Variants in TMPRSS15 observed in about 807,000 individuals in gnomAD.
TMPRSS15 encodes enteropeptidase.
A neutral mutation model predicts 125.3 loss-of-function variants in TMPRSS15; 128 were observed. That is an observed-to-expected ratio of 1.02 (90% CI 0.89 to 1.18). The LOEUF (loss-of-function observed/expected upper bound fraction) is 1.18. Ranked by LOEUF, TMPRSS15 falls within the 50% of genes most tolerant of loss-of-function variation. The pLI is 0.00. For missense variants in TMPRSS15, 1,283 were observed against 1,212.7 expected, an observed-to-expected ratio of 1.06 and a Z score of -0.86; for synonymous variants, 446 against 423.2, an observed-to-expected ratio of 1.05 and a Z score of -0.66.
chr21:18,450,223 T>G (rs1229218184), intron 1 of TMPRSS15, among the ~76,000 whole-genome samples: 2 of 152,158 alleles, frequency 1.3e-5, no homozygotes, highest in Non-Finnish European at 2.9e-5. Flanking sequence ...CTTGTGGGAA[T>G]TATTCCAGAT....
chr21:18,402,963 CT>C (rs143840063), intron 1 of TMPRSS15, among the ~76,000 whole-genome samples: 1,528 of 152,170 alleles, frequency 0.01, 34 homozygotes, highest in African/African-American at 0.035. Context: ...AGTTTGTGAC[CT>C]TTTTAAGTCT....
intron 7 of TMPRSS15, among the ~76,000 whole-genome samples, chr21:18,362,573 A>G (rs984476381): frequency 1.3e-5 from 2 of 152,186 alleles, no homozygotes; most frequent in African/African-American, 4.8e-5. Flanking sequence ...GATTAATTGG[A>G]GAACATAATC....
chr21:18,437,248 G>A (rs1415018820), intron 1 of TMPRSS15, among the ~76,000 whole-genome samples: 12 of 151,562 alleles, frequency 7.9e-5, no homozygotes, highest in African/African-American at 2.9e-4. Context: ...TTAATAAATG[G>A]TGCTGGGAAA....
rs767804740 is a variant in TMPRSS15, at chr21:18,326,495, C to T, written c.1858G>A (p.Asp620Asn). Residue 620 changes from aspartate to asparagine, a missense_variant, in exon 16 of 25, where the codon GAT (aspartate) becomes AAT (asparagine). Coordinates refer to ENST00000284885, the MANE Select transcript of TMPRSS15 (RefSeq NM_002772.3). ...NRMTVLLITN[D>N]VLARGGFKAN... is the part of the protein sequence containing the mutation. ...TTAAACCCTCCTCTTGCCAACACAT[C>T]GTTAGTGATGAGAAGCACAGTCATT... The T allele has an allele frequency of 1.5e-5, 25 of 1,614,012 alleles. No individual in the cohort carries two copies. The highest frequency in any genetic ancestry group is 6.7e-5 in the East Asian group (3 of 44,890).
chr21:18,328,381 T>A (rs1235724694), intron 15 of TMPRSS15, among the ~76,000 whole-genome samples: 1 of 152,192 alleles, frequency 6.6e-6, no homozygotes, highest in Non-Finnish European at 1.5e-5. Context: ...TCATTAAAAA[T>A]TTTGTATAAC....
In TMPRSS15 at chr21:18,409,833, C is replaced by T. The variant is rs977495473; in HGVS notation, c.11-11504G>A. Among the ~76,000 whole-genome samples the T allele has an allele frequency of 2.5e-5, 3 of 118,834 alleles. No individual in the cohort carries two copies. In the Admixed American group the frequency reaches 2.6e-4, roughly 10 times the overall value. 78.0% of individuals were successfully genotyped at this position (118,834 alleles called of 152,430 possible). ...ATCTCCCCCCCTTCCCCCCTTCACC[C>T]CTCCCTCCTTTCCCCCTTCCTTCCT... is the stretch of plus-strand genomic sequence containing the variant. On this transcript the variant is annotated intron_variant, in intron 1 of 7. Transcript: ENST00000422787.
intron 8 of TMPRSS15, among the ~76,000 whole-genome samples, chr21:18,359,499 A>T (rs1020088759): frequency 2.6e-5 from 4 of 152,068 alleles, no homozygotes; most frequent in African/African-American, 7.2e-5. Flanking sequence ...ATATATAATT[A>T]TAATCCTTTG....
At chr21:18,414,903 G>A (rs942711685) in intron 1 of TMPRSS15, among the ~76,000 whole-genome samples, 1 of 152,054 alleles carries the variant, frequency 6.6e-6, no homozygotes, top group African/African-American at 2.4e-5. Flanking sequence ...AGATCATATG[G>A]TAGCTCTATT....
chr21:18,471,165 C>T (rs1382069641), intron 1 of TMPRSS15, among the ~76,000 whole-genome samples: 3 of 151,904 alleles, frequency 2.0e-5, no homozygotes, highest in African/African-American at 7.2e-5. Flanking sequence ...ATTAAGGTTG[C>T]AAGATGTCTC....
chr21:18,405,136 C>T (rs2076141029), upstream of TMPRSS15, among the ~76,000 whole-genome samples: 2 of 151,936 alleles, frequency 1.3e-5, no homozygotes, highest in South Asian at 4.1e-4. Flanking sequence ...TATCATATAG[C>T]GCTTTAAGTT....
intron 3 of TMPRSS15, among the ~76,000 whole-genome samples, chr21:18,395,297 A>G (rs1198278645): frequency 1.3e-5 from 2 of 152,254 alleles, no homozygotes; most frequent in Admixed American, 6.5e-5. Context: ...TATAAAAATT[A>G]GTAGTAGAGG....
intron 19 of TMPRSS15, among the ~76,000 whole-genome samples, chr21:18,296,894 T>G (rs1213010003): frequency 6.6e-6 from 1 of 152,206 alleles, no homozygotes; most frequent in African/African-American, 2.4e-5. Context: ...CCATTTTTAT[T>G]TTTTTACTGG....
intron 21 of TMPRSS15, among the ~76,000 whole-genome samples, chr21:18,291,739 C>T (rs2074837591): frequency 9.0e-6 from 1 of 111,512 alleles, no homozygotes; most frequent in African/African-American, 3.5e-5. Context: ...CAAGAAAACT[C>T]TTAGGCATTA....
At chr21:18,352,836 C>T in intron 10 of TMPRSS15, 67 bp downstream of exon 10, 1 of 1,542,014 alleles carries the variant, frequency 6.5e-7, no homozygotes, top group Non-Finnish European at 9.0e-7. Flanking sequence ...TGCAGTACAA[C>T]ACATACCTCT....
At chr21:18,435,682 A>T (rs1158501206) in intron 1 of TMPRSS15, among the ~76,000 whole-genome samples, 1 of 152,030 alleles carries the variant, frequency 6.6e-6, no homozygotes, top group Non-Finnish European at 1.5e-5. Context: ...TTTTCTATTG[A>T]TTGGAATAGT....
intron 16 of TMPRSS15, among the ~76,000 whole-genome samples, chr21:18,318,316 G>A (rs2075195385): frequency 6.6e-6 from 1 of 152,174 alleles, no homozygotes; most frequent in Admixed American, 6.5e-5. Flanking sequence ...AGGGCTGGTG[G>A]AACAATGCTC....
intron 1 of TMPRSS15, among the ~76,000 whole-genome samples, chr21:18,431,866 C>A (rs1269119604): frequency 2.6e-5 from 4 of 152,110 alleles, no homozygotes; most frequent in Non-Finnish European, 5.9e-5. Flanking sequence ...TTGGTAAATG[C>A]ACTTTCTAAT....
chr21:18,379,291 GC>G lies in TMPRSS15; in HGVS notation c.523del (p.Ala175GlnfsTer8). On this transcript the variant is annotated frameshift_variant, in exon 5 of 25. Transcript: ENST00000284885. LOFTEE classifies it high-confidence loss of function. ...LDKLTTTSHL[A>X]TPGNVSIECL... ...ATATTATTAAAACTGACCTGGAGTT[GC>G]CAGATGACTGGTGGTTGTTAGCTTG... is the stretch of plus-strand genomic sequence containing the variant. 7.5e-7 allele frequency: 1 copy of G among 1,331,500 alleles called. No homozygotes were observed. Among genetic ancestry groups the G allele is most frequent in the Non-Finnish European group, 9.9e-7 (1 of 1,014,340 alleles). 82.5% of individuals were successfully genotyped at this position (1,331,500 alleles called of 1,614,324 possible).
chr21:18,459,057 C>G (rs1978498254), intron 1 of TMPRSS15, among the ~76,000 whole-genome samples: 1 of 152,048 alleles, frequency 6.6e-6, no homozygotes, highest in Admixed American at 6.6e-5. Context: ...TTTGATTGTG[C>G]TTTTGTATAT....
Sources: allele counts gnomAD v4.1 joint callset (sites outside exome capture counted in the v4.1 genomes callset), GRCh38; gene constraint gnomAD v4.1.1; transcripts MANE v1.5; gene names NCBI Gene and HGNC (gene_info 2026-07-23, HGNC 2026-07-21).